Variants in DYNC2H1 observed in about 807,000 individuals in gnomAD.
The protein encoded by DYNC2H1 is dynein cytoplasmic 2 heavy chain 1, also known as cytoplasmic dynein 2 heavy chain 1.
DYNC2H1 carries 410 observed loss-of-function variants against 570.0 expected under a neutral mutation model. That is an observed-to-expected ratio of 0.72 (90% confidence interval 0.66 to 0.78). DYNC2H1 has a LOEUF of 0.78. Ranked by LOEUF, DYNC2H1 falls within the 30% of genes least tolerant of loss-of-function variation. The pLI, the probability that DYNC2H1 is intolerant of heterozygous loss-of-function variation, is 0.00. For missense variants in DYNC2H1, 4,865 were observed against 5,046.4 expected (o/e 0.96, Z 1.09); for synonymous variants, 1,688 against 1,677.6 (o/e 1.01, Z -0.15).
At chr11:103,333,308 G>C (rs527354269) in intron 82 of DYNC2H1, among the ~76,000 whole-genome samples, 1 of 152,230 alleles carries the variant, frequency 6.6e-6, no homozygotes, top group East Asian at 1.9e-4. Flanking sequence ...CTGTTGCCCA[G>C]GCTGGAGTGC....
chr11:103,245,117 G>A lies in DYNC2H1; in HGVS notation c.9919-134G>A. Reference sequence around the variant, plus strand: ...AGGGTTCTTATTAATACTTGGGTGAGTAATTTATTACCTATAGAATCTGAA... The same window carrying A: ...AGGGTTCTTATTAATACTTGGGTGAATAATTTATTACCTATAGAATCTGAA... On this transcript the variant is annotated intron_variant, in intron 64 of 88. Coordinates refer to ENST00000375735, the MANE Select transcript of DYNC2H1 (RefSeq NM_001377.3). The surrounding 1 kb of genome is among the most constrained non-coding windows in gnomAD (Gnocchi z 4.5). 1 of 713,216 alleles carries A rather than the reference G, an allele frequency of 1.4e-6. No homozygotes were observed. Among genetic ancestry groups the A allele is most frequent in the Non-Finnish European group, 2.1e-6 (1 of 470,202 alleles). The allele number at this position is 713,216 out of a possible 1,614,324, so 44.2% of individuals were successfully genotyped here. A position where few individuals can be genotyped will look rare whatever the true frequency, so the allele number is the denominator to read the frequency against.
chr11:103,332,611 G>A (rs1317942183), intron 82 of DYNC2H1, among the ~76,000 whole-genome samples: 1 of 152,176 alleles, frequency 6.6e-6, no homozygotes, highest in Non-Finnish European at 1.5e-5. Flanking sequence ...AGCCATTCAA[G>A]TCAGAAGATA....
In DYNC2H1 at chr11:103,199,268, T is replaced by A. The variant is rs1287592256; in HGVS notation, c.7880T>A (p.Ile2627Asn). 1 of 1,607,604 alleles carries A rather than the reference T, an allele frequency of 6.2e-7. No homozygotes were observed. Among genetic ancestry groups the A allele is most frequent in the Admixed American group, 1.7e-5 (1 of 59,628 alleles). The change falls in exon 49 of 89, where the codon ATT becomes AAT. Residue 2627 changes from isoleucine to asparagine, a missense_variant. Transcript: ENST00000375735. The surrounding 1 kb of genome is among the most constrained non-coding windows in gnomAD (Gnocchi z 4.6). ...GGACGAGATAACCAGAATTTAGACA[T>A]TTTACTTTTCCACGAAGTCTTGGAG... ...HYGRDNQNLD[I>N]LLFHEVLEYM...
chr11:103,409,702 G>A (rs17307800), intron 84 of DYNC2H1: 8,066 of 154,832 alleles, frequency 0.052, 294 homozygotes, highest in South Asian at 0.086. Flanking sequence ...CACCAGGCTC[G>A]GTAGGTTTGT....
At chr11:103,412,054 A>G (rs1943109365) in intron 84 of DYNC2H1, among the ~76,000 whole-genome samples, 1 of 152,172 alleles carries the variant, frequency 6.6e-6, no homozygotes, top group African/African-American at 2.4e-5. Flanking sequence ...CTAAGATCAG[A>G]TCAGTAAAAC....
At chr11:103,401,424 C>T (rs576800800) in intron 84 of DYNC2H1, among the ~76,000 whole-genome samples, 45 of 152,014 alleles carry the variant, frequency 3.0e-4, no homozygotes, top group Non-Finnish European at 5.7e-4. Flanking sequence ...TCTAGTAGGA[C>T]GGGTACACAA....
Position 103,274,964 on chromosome 11 carries a change from G to A in DYNC2H1, c.10696-5384G>A, listed in dbSNP as rs563062729. On this transcript the variant is annotated intron_variant, in intron 70 of 88. Coordinates refer to ENST00000375735, the MANE Select transcript of DYNC2H1 (RefSeq NM_001377.3). ...ACAAAAATTAGCCAGGTGTGGTGGC[G>A]GGCACCTATAATCCCAACTACTGGG... is the stretch of plus-strand genomic sequence containing the variant. 7.9e-5 allele frequency among the ~76,000 whole-genome samples: 12 copies of A among 151,846 alleles called. No homozygotes were observed. In the South Asian group the frequency reaches 1.0e-3, roughly 13 times the overall value.
In DYNC2H1 at chr11:103,209,804, T is replaced by G; in HGVS notation, c.8455-72T>G. On this transcript the variant is annotated intron_variant, in intron 52 of 88. Transcript: ENST00000375735. This position sits in a 1 kb window ranked among gnomAD's most constrained non-coding sequence, Gnocchi z 4.2. The stretch of plus-strand genomic sequence containing the variant: ...AAAGTACAATCAATACTGACTTTTT[T>G]TGTATTAAAGGTTTTTAACTTATGA... The G allele has an allele frequency of 8.3e-7, 1 of 1,203,074 alleles. No homozygotes were observed. The highest frequency in any genetic ancestry group is 1.1e-6 in the Non-Finnish European group (1 of 923,752). 74.5% of individuals were successfully genotyped at this position (1,203,074 alleles called of 1,614,324 possible).
rs187244655 is a variant in DYNC2H1 at position 103,268,794 on chromosome 11, G to T, written c.10695+8817G>T. ...TTCTTGTTCATTTGAAATATTAGTA[G>T]CTTTTCTTATTAGGAGTTAGTTGCT... On this transcript the variant is annotated intron_variant, in intron 70 of 88. Transcript: ENST00000375735. This position sits in a 1 kb window ranked among gnomAD's most constrained non-coding sequence, Gnocchi z 4.6. Among the ~76,000 whole-genome samples, 4 of 151,982 alleles carry T rather than the reference G, an allele frequency of 2.6e-5. No individual in the cohort carries two copies. The highest frequency in any genetic ancestry group is 9.6e-5 in the African/African-American group (4 of 41,506).
At position 103,397,845 on chromosome 11, in the gene DYNC2H1, C is replaced by T. The variant is rs891460012; in HGVS notation, c.12157-1818C>T. 2.6e-5 allele frequency among the ~76,000 whole-genome samples: 4 copies of T among 152,118 alleles called. No homozygotes were observed. In the South Asian group the frequency reaches 6.2e-4, roughly 24 times the overall value. On this transcript the variant is annotated intron_variant, in intron 83 of 88. Transcript: ENST00000375735. ...AGGAGGTCGAGGCTGCAGTAAGCCA[C>T]TCCAGCCTTGGTGACAGACAGAGTA...
In DYNC2H1 at chr11:103,165,988, G is replaced by C; in HGVS notation, c.4702G>C (p.Val1568Leu). Residue 1568 changes from valine to leucine, a missense_variant, in exon 31 of 89, where the codon GTG (valine) becomes CTG (leucine). This residue lies in a region of DYNC2H1 where 1,936 missense variants were observed against 1,962.1 expected (regional missense o/e 0.99). Transcript: ENST00000375735. ...TCTTCATCAGATTGAAACACAACTG[G>C]TGAATAAGTTAGAGCAATATACTAA... is the stretch of plus-strand genomic sequence containing the variant. ...HSLHQIETQL[V>L]NKLEQYTNID... is the part of the protein sequence containing the mutation. 1 of 1,531,076 alleles carries C rather than the reference G, an allele frequency of 6.5e-7. No homozygotes were observed. The highest frequency in any genetic ancestry group is 8.8e-7 in the Non-Finnish European group (1 of 1,137,704). 94.8% of individuals were successfully genotyped at this position (1,531,076 alleles called of 1,614,324 possible).
At chr11:103,304,118 A>C (rs1591548476) in intron 76 of DYNC2H1, among the ~76,000 whole-genome samples, 1 of 152,126 alleles carries the variant, frequency 6.6e-6, no homozygotes, top group Non-Finnish European at 1.5e-5. Flanking sequence ...TCTTTTTCAC[A>C]GGGAAAATAG....
intron 70 of DYNC2H1, among the ~76,000 whole-genome samples, chr11:103,267,249 G>T (rs538507576): frequency 6.6e-6 from 1 of 151,596 alleles, no homozygotes; most frequent in Non-Finnish European, 1.5e-5. Flanking sequence ...TCCTTCAACC[G>T]AGCTTCTGTG....
rs748472641 is a variant in DYNC2H1, at chr11:103,228,194, A to G, written c.9354-3066A>G. Among the ~76,000 whole-genome samples, 1 of 152,146 alleles carries G rather than the reference A, an allele frequency of 6.6e-6. No individual in the cohort carries two copies. Among genetic ancestry groups the G allele is most frequent in the Non-Finnish European group, 1.5e-5 (1 of 68,026 alleles). Reference sequence around the variant, plus strand: ...TACGCCATTTACGTTCAGTGTTAGTATTGAGATGGGAGGTTTAGATCCATT... The same window carrying G: ...TACGCCATTTACGTTCAGTGTTAGTGTTGAGATGGGAGGTTTAGATCCATT... On this transcript the variant is annotated intron_variant, in intron 59 of 88. Transcript: ENST00000375735. This position sits in a 1 kb window ranked among gnomAD's most constrained non-coding sequence, Gnocchi z 6.1.
At chr11:103,448,508 T>A (rs1944498940) in intron 85 of DYNC2H1, among the ~76,000 whole-genome samples, 1 of 152,046 alleles carries the variant, frequency 6.6e-6, no homozygotes, top group Non-Finnish European at 1.5e-5. Context: ...AAAAACAAAG[T>A]CCTAAGTCAA....
In DYNC2H1 at chr11:103,472,412, G is replaced by A. The variant is rs1945418202; in HGVS notation, c.12765+3707G>A. ...TTTTTTTAAAGAATTGAGAACAGGA[G>A]TATGGTAAGATCAGATTTGTAGTTT... On this transcript the variant is annotated intron_variant, in intron 88 of 88. Coordinates refer to ENST00000375735, the MANE Select transcript of DYNC2H1 (RefSeq NM_001377.3). This position sits in a 1 kb window ranked among gnomAD's most constrained non-coding sequence, Gnocchi z 4.1. Among the ~76,000 whole-genome samples the A allele has an allele frequency of 6.6e-6, 1 of 152,060 alleles. No individual in the cohort carries two copies. Among genetic ancestry groups the A allele is most frequent in the Admixed American group, 6.5e-5 (1 of 15,268 alleles).
chr11:103,198,629 C>A (rs1862595151), intron 48 of DYNC2H1, among the ~76,000 whole-genome samples: 1 of 152,074 alleles, frequency 6.6e-6, no homozygotes, highest in Non-Finnish European at 1.5e-5. Flanking sequence ...GATTTTATAT[C>A]AGGAAACATT....
intron 84 of DYNC2H1, among the ~76,000 whole-genome samples, chr11:103,412,010 T>A (rs1348872848): frequency 6.6e-6 from 1 of 152,158 alleles, no homozygotes; most frequent in Non-Finnish European, 1.5e-5. Context: ...TTAGGCTGTT[T>A]GATGAAATGC....
rs1401505756 is a variant in DYNC2H1, at chr11:103,243,664, A to G, written c.9820-29A>G. The G allele has an allele frequency of 4.8e-6, 7 of 1,473,000 alleles. No homozygotes were observed. Among genetic ancestry groups the G allele is most frequent in the Non-Finnish European group, 6.5e-6 (7 of 1,076,610 alleles). 91.2% of individuals were successfully genotyped at this position (1,473,000 alleles called of 1,614,324 possible). ...AAATGAAAGCTTATAATCATTAAAAAACATTACTTTTCCTTTTTTTTATAC... is the reference window on the plus strand; with the variant it reads ...AAATGAAAGCTTATAATCATTAAAAGACATTACTTTTCCTTTTTTTTATAC... On this transcript the variant is annotated intron_variant, in intron 63 of 88. Transcript: ENST00000375735. This position sits in a 1 kb window ranked among gnomAD's most constrained non-coding sequence, Gnocchi z 4.8.
Sources: allele counts gnomAD v4.1 joint callset (sites outside exome capture counted in the v4.1 genomes callset), GRCh38; gene constraint gnomAD v4.1.1; regional missense constraint gnomAD v4.1.1; non-coding constraint Gnocchi (gnomAD v3.1); transcripts MANE v1.5; gene names NCBI Gene and HGNC (gene_info 2026-07-23, HGNC 2026-07-21).